The following UNC79 variants were observed in gnomAD, a reference collection of about 807,000 sequenced individuals.
The protein encoded by UNC79 is protein unc-79 homolog.
A neutral mutation model predicts 283.1 loss-of-function variants in UNC79; 37 were observed. The ratio of observed to expected loss-of-function variants is 0.13; its 90% confidence interval spans 0.10 to 0.17. The LOEUF (loss-of-function observed/expected upper bound fraction) is 0.17. Ranked by LOEUF, UNC79 falls within the 10% of genes least tolerant of loss-of-function variation. The pLI is 1.00. For missense variants in UNC79, 2,272 were observed against 3,211.1 expected, an observed-to-expected ratio of 0.71 and a Z score of 7.07; for synonymous variants, 1,107 against 1,200.2, an observed-to-expected ratio of 0.92 and a Z score of 1.61.
At chr14:93,571,085 T>A (rs1416203561) in intron 14 of UNC79, among the ~76,000 whole-genome samples, 1 of 152,194 alleles carries the variant, frequency 6.6e-6, no homozygotes, top group Non-Finnish European at 1.5e-5. Flanking sequence ...TAAAATAGAA[T>A]TGATTGATTT....
chr14:93,486,577 C>A (rs766949092), intron 4 of UNC79, among the ~76,000 whole-genome samples: 1 of 150,676 alleles, frequency 6.6e-6, no homozygotes, highest in East Asian at 1.9e-4. Context: ...TCGCTTGAAC[C>A]CAGGGGTTGG....
At chr14:93,610,736 G>C (rs940067934) in intron 26 of UNC79, among the ~76,000 whole-genome samples, 2 of 151,628 alleles carry the variant, frequency 1.3e-5, no homozygotes, top group African/African-American at 4.8e-5. Context: ...TCAGCCTCCC[G>C]AGTAGCTGGG....
At chr14:93,366,171 G>T (rs2054327599) in intron 1 of UNC79, among the ~76,000 whole-genome samples, 1 of 152,192 alleles carries the variant, frequency 6.6e-6, no homozygotes, top group African/African-American at 2.4e-5. Context: ...CTAAAGATGT[G>T]CAAGGCCTTA....
intron 41 of UNC79, 61 bp from the exon 45 acceptor site, chr14:93,682,556 T>C (rs1279208534): frequency 1.4e-6 from 2 of 1,413,162 alleles, no homozygotes; most frequent in African/African-American, 1.4e-5. Context: ...AATAAAATGA[T>C]AAATTACTTA....
intron 1 of UNC79, chr14:93,347,405 G>A (rs1305308192): frequency 6.7e-7 from 1 of 1,497,266 alleles, no homozygotes; most frequent in East Asian, 2.5e-5. Context: ...GTGAGTTGAG[G>A]CCCAGCCATC....
chr14:93,688,544 CA>C lies in UNC79; in HGVS notation c.6910-120del. ...TGGGAAGGCTCTGAAGAAGTTTAAG[CA>C]GGTTGTTTGCTCAGAGTGGCGATAA... is the stretch of plus-strand genomic sequence containing the variant. On this transcript the variant is annotated intron_variant, in intron 43 of 48. Coordinates refer to ENST00000555664, the Ensembl canonical transcript of UNC79. This position sits in a 1 kb window ranked among gnomAD's most constrained non-coding sequence, Gnocchi z 4.0. 9.1e-7 allele frequency: 1 copy of C among 1,095,618 alleles called. No individual in the cohort carries two copies. The highest frequency in any genetic ancestry group is 1.3e-6 in the Non-Finnish European group (1 of 770,836). The allele number at this position is 1,095,618 out of a possible 1,614,324, so 67.9% of individuals were successfully genotyped here.
intron 34 of UNC79, among the ~76,000 whole-genome samples, chr14:93,644,549 G>A (rs1171713867): frequency 2.6e-5 from 4 of 152,152 alleles, no homozygotes; most frequent in Admixed American, 2.6e-4. Context: ...ATAAGATAGG[G>A]TGTGATTAAA....
At chr14:93,603,480 T>C in intron 26 of UNC79, 62 bp downstream of exon 26, 1 of 1,554,812 alleles carries the variant, frequency 6.4e-7, no homozygotes, top group Non-Finnish European at 8.7e-7. Flanking sequence ...GGCTGACTTG[T>C]CTTGTTGAAT....
At chr14:93,585,716 C>A (rs557432017) in intron 20 of UNC79, among the ~76,000 whole-genome samples, 3 of 151,930 alleles carry the variant, frequency 2.0e-5, no homozygotes, top group African/African-American at 7.3e-5. Flanking sequence ...ATTGATGCCC[C>A]CAGTATGGGG....
At chr14:93,662,500 TA>T (rs566140578) in intron 39 of UNC79, 103 bp from the exon 43 acceptor site, 134 of 797,658 alleles carry the variant, frequency 1.7e-4, no homozygotes, top group Non-Finnish European at 2.1e-4. Context: ...AGTTTTCAAT[TA>T]AAAAAAAGTG....
At chr14:93,644,178 T>A (rs180970676) in intron 34 of UNC79, among the ~76,000 whole-genome samples, 2 of 152,200 alleles carry the variant, frequency 1.3e-5, no homozygotes, top group African/African-American at 4.8e-5. Context: ...CATTTCTGAC[T>A]CAGATAAAAG....
intron 46 of UNC79, among the ~76,000 whole-genome samples, chr14:93,692,360 CAAGT>C (rs1265622183): frequency 6.6e-6 from 1 of 152,044 alleles, no homozygotes; most frequent in African/African-American, 2.4e-5. Flanking sequence ...AAAAAGCAAA[CAAGT>C]ACAGTTATTA....
chr14:93,643,112 A>G (rs1335399634), intron 33 of UNC79, among the ~76,000 whole-genome samples: 1 of 152,210 alleles, frequency 6.6e-6, no homozygotes, highest in African/African-American at 2.4e-5. Flanking sequence ...CTTACCCACA[A>G]ATAGAACATT....
At chr14:93,682,566 A>G in intron 41 of UNC79, 51 bp from the exon 45 acceptor site, 1 of 1,455,250 alleles carries the variant, frequency 6.9e-7, no homozygotes, top group Admixed American at 1.8e-5. Context: ...TAAATTACTT[A>G]TTAATGTCCA....
chr14:93,419,563 A>G (rs902826663), intron 1 of UNC79, among the ~76,000 whole-genome samples: 2 of 151,844 alleles, frequency 1.3e-5, no homozygotes, highest in African/African-American at 4.8e-5. Flanking sequence ...AGATAGAAAC[A>G]GCAAAAAGTT....
intron 1 of UNC79, among the ~76,000 whole-genome samples, chr14:93,419,634 TTTAC>T (rs2055547072): frequency 1.3e-5 from 2 of 151,878 alleles, no homozygotes; most frequent in South Asian, 4.2e-4. Context: ...TGCTTATTTG[TTTAC>T]TTACGCACAC....
intron 1 of UNC79, among the ~76,000 whole-genome samples, chr14:93,439,141 T>C (rs149347090): frequency 7.9e-4 from 120 of 152,244 alleles, no homozygotes; most frequent in African/African-American, 2.8e-3. Context: ...AATTGTATGC[T>C]CTGCAAATAG....
intron 1 of UNC79, among the ~76,000 whole-genome samples, chr14:93,414,756 T>C (rs541675898): frequency 1.5e-3 from 235 of 152,278 alleles, no homozygotes; most frequent in African/African-American, 5.0e-3. Context: ...CCCTTGTAAG[T>C]TGGATCCCTA....
At chr14:93,674,662 T>A (rs2073175021) in intron 41 of UNC79, among the ~76,000 whole-genome samples, 1 of 152,222 alleles carries the variant, frequency 6.6e-6, no homozygotes. Context: ...GAGCTTGGTA[T>A]CAAGGAACTA....
Sources: allele counts gnomAD v4.1 joint callset (sites outside exome capture counted in the v4.1 genomes callset), GRCh38; gene constraint gnomAD v4.1.1; non-coding constraint Gnocchi (gnomAD v3.1); transcripts MANE v1.5; gene names NCBI Gene and HGNC (gene_info 2026-07-23, HGNC 2026-07-21).